The following CNTN4 variants were observed in gnomAD, a reference collection of about 807,000 sequenced individuals.
CNTN4 encodes the protein contactin 4.
CNTN4 carries 77 observed loss-of-function variants against 122.5 expected under a neutral mutation model. The ratio of observed to expected loss-of-function variants is 0.63; its 90% confidence interval spans 0.52 to 0.76. CNTN4 has a LOEUF of 0.76. Ranked by LOEUF, CNTN4 falls within the 30% of genes least tolerant of loss-of-function variation. CNTN4 has a pLI of 0.00. For synonymous variants in CNTN4, 512 were observed against 447.0 expected (o/e 1.15, Z -1.83); for missense variants, 1,256 against 1,259.1 (o/e 1.00, Z 0.04).
intron 3 of CNTN4, among the ~76,000 whole-genome samples, chr3:2,465,446 A>G (rs1018890439): frequency 6.6e-6 from 1 of 152,134 alleles, no homozygotes; most frequent in African/African-American, 2.4e-5. Context: ...GGAGGCCGAG[A>G]TAGACGGATT....
At chr3:2,583,433 A>G (rs2080038497) in intron 4 of CNTN4, among the ~76,000 whole-genome samples, 1 of 152,250 alleles carries the variant, frequency 6.6e-6, no homozygotes, top group South Asian at 2.1e-4. Flanking sequence ...GAATCAAAAT[A>G]GTGAGAATGT....
intron 13 of CNTN4, chr3:2,985,356 T>C (rs770896888): frequency 1.3e-5 from 2 of 152,360 alleles, no homozygotes; most frequent in African/African-American, 2.4e-5. Flanking sequence ...CTCTTATTCT[T>C]TCTTTATTGG....
chr3:3,002,132 T>C (rs1232256052), intron 14 of CNTN4, among the ~76,000 whole-genome samples: 3 of 151,886 alleles, frequency 2.0e-5, no homozygotes, highest in African/African-American at 7.3e-5. Flanking sequence ...AGATTAATGG[T>C]ACTGTAACAG....
At chr3:2,916,444 C>A (rs993201385) in intron 12 of CNTN4, among the ~76,000 whole-genome samples, 8 of 149,642 alleles carry the variant, frequency 5.3e-5, no homozygotes, top group African/African-American at 7.4e-5. Flanking sequence ...TTTAACAAAG[C>A]ACATCTTGCA....
intron 2 of CNTN4, among the ~76,000 whole-genome samples, chr3:2,123,608 A>G (rs1204080505): frequency 1.3e-5 from 2 of 152,184 alleles, no homozygotes; most frequent in East Asian, 3.9e-4. Flanking sequence ...ATGTTTCTGA[A>G]CTGACATCTC....
At chr3:2,245,866 C>T (rs911513577) in intron 2 of CNTN4, among the ~76,000 whole-genome samples, 2 of 152,030 alleles carry the variant, frequency 1.3e-5, no homozygotes, top group African/African-American at 2.4e-5. Flanking sequence ...TTCATGAATT[C>T]GTACTTAAAT....
intron 13 of CNTN4, among the ~76,000 whole-genome samples, chr3:2,935,517 A>C (rs2094560070): frequency 6.6e-6 from 1 of 152,184 alleles, no homozygotes; most frequent in Non-Finnish European, 1.5e-5. Flanking sequence ...TACAAGATGA[A>C]ACTTACCACA....
At chr3:2,814,902 C>T (rs2092693060) in intron 6 of CNTN4, among the ~76,000 whole-genome samples, 1 of 152,196 alleles carries the variant, frequency 6.6e-6, no homozygotes, top group Non-Finnish European at 1.5e-5. Context: ...CATGGTATGA[C>T]TGCAATATAG....
chr3:2,692,647 G>A (rs111368298), intron 4 of CNTN4, among the ~76,000 whole-genome samples: 7 of 151,830 alleles, frequency 4.6e-5, no homozygotes, highest in Non-Finnish European at 7.4e-5. Flanking sequence ...ATTTTTTGTC[G>A]CACACACACT....
At chr3:2,944,272 C>A (rs1052013282) in intron 13 of CNTN4, among the ~76,000 whole-genome samples, 3 of 151,846 alleles carry the variant, frequency 2.0e-5, no homozygotes, top group Admixed American at 2.0e-4. Flanking sequence ...TTTGAGATAA[C>A]TAGAGCATAA....
chr3:2,202,586 G>T (rs1208088915), intron 2 of CNTN4, among the ~76,000 whole-genome samples: 9 of 152,128 alleles, frequency 5.9e-5, no homozygotes, highest in Admixed American at 1.3e-4. Context: ...CAGTGTTTGT[G>T]CATCACTGAT....
At chr3:2,548,583 T>C (rs1476936032) in intron 3 of CNTN4, among the ~76,000 whole-genome samples, 2 of 152,140 alleles carry the variant, frequency 1.3e-5, no homozygotes, top group Admixed American at 6.6e-5. Flanking sequence ...TGTAGACTTG[T>C]AGTATACTTT....
At chr3:2,294,897 A>G (rs1175160060) in intron 2 of CNTN4, among the ~76,000 whole-genome samples, 2 of 151,690 alleles carry the variant, frequency 1.3e-5, no homozygotes, top group South Asian at 4.2e-4. Flanking sequence ...CTCATTGTTC[A>G]ATTCCCACCT....
At chr3:2,662,985 C>T (rs925278271) in intron 4 of CNTN4, among the ~76,000 whole-genome samples, 1 of 151,742 alleles carries the variant, frequency 6.6e-6, no homozygotes, top group African/African-American at 2.4e-5. Context: ...GCCTGTAATC[C>T]CAGCTGCTCA....
intron 7 of CNTN4, among the ~76,000 whole-genome samples, chr3:2,865,109 G>A (rs1380238673): frequency 6.6e-6 from 1 of 152,122 alleles, no homozygotes; most frequent in African/African-American, 2.4e-5. Flanking sequence ...GAAAGCACTT[G>A]TATATTTACA....
chr3:2,236,689 C>G (rs922201619), intron 2 of CNTN4, among the ~76,000 whole-genome samples: 7 of 152,140 alleles, frequency 4.6e-5, no homozygotes, highest in Non-Finnish European at 8.8e-5. Flanking sequence ...AAAGCATGTC[C>G]TCAAACTATC....
At chr3:2,152,008 G>T (rs1235534530) in intron 2 of CNTN4, among the ~76,000 whole-genome samples, 1 of 152,180 alleles carries the variant, frequency 6.6e-6, no homozygotes, top group African/African-American at 2.4e-5. Context: ...AATATTAACT[G>T]ATCAGTGTTT....
chr3:2,283,638 A>G (rs1420627060), intron 2 of CNTN4, among the ~76,000 whole-genome samples: 3 of 152,274 alleles, frequency 2.0e-5, no homozygotes, highest in South Asian at 2.1e-4. Context: ...GGAGTTCTCC[A>G]TAGTGTGGAT....
chr3:2,823,163 A>C (rs2092914680), intron 7 of CNTN4, among the ~76,000 whole-genome samples: 1 of 152,170 alleles, frequency 6.6e-6, no homozygotes, highest in Admixed American at 6.5e-5. Context: ...TAAAGCGAGA[A>C]GAATCACTGT....
Sources: gnomAD v4.1 joint callset for allele counts (sites outside exome capture counted in the v4.1 genomes callset) on GRCh38, gnomAD v4.1.1 for gene constraint, MANE v1.5 for transcripts, NCBI Gene and HGNC (gene_info 2026-07-23, HGNC 2026-07-21) for gene names.